Variants in LARP4 observed in about 807,000 individuals in gnomAD.
The protein encoded by LARP4 is la-related protein 4.
A neutral mutation model predicts 92.9 loss-of-function variants in LARP4; 29 were observed. That is an observed-to-expected ratio of 0.31 (90% CI 0.23 to 0.43). LARP4 has a LOEUF of 0.43. LARP4 is among the 20% of genes least tolerant of loss of function. The probability of loss-of-function intolerance (pLI) is 1.00; values close to 1 mark genes in which losing one functional copy is unlikely to be tolerated. For missense variants in LARP4, 732 were observed against 860.0 expected (o/e 0.85, Z 1.86); for synonymous variants, 279 against 284.1 (o/e 0.98, Z 0.18).
chr12:50,475,447 T>C (rs1359657935), intron 15 of LARP4, 79 bp from the exon 16 acceptor site: 7 of 1,234,526 alleles, frequency 5.7e-6, no homozygotes, highest in Non-Finnish European at 8.0e-6. Context: ...GGTTTTCTTA[T>C]GGTTAACACA....
chr12:50,416,888 A>G (rs1946888768), intron 1 of LARP4, among the ~76,000 whole-genome samples: 1 of 152,018 alleles, frequency 6.6e-6, no homozygotes, highest in Non-Finnish European at 1.5e-5. Context: ...GTATTGGTTG[A>G]TCCTGGGAGG....
chr12:50,456,127 ACT>A (rs1165306515), intron 10 of LARP4, among the ~76,000 whole-genome samples: 1 of 151,476 alleles, frequency 6.6e-6, no homozygotes, highest in Non-Finnish European at 1.5e-5. Flanking sequence ...CAGTTGCTTG[ACT>A]CTGAAATACT....
intron 4 of LARP4, among the ~76,000 whole-genome samples, chr12:50,434,774 C>T (rs956973588): frequency 8.6e-5 from 13 of 151,940 alleles, no homozygotes; most frequent in African/African-American, 3.1e-4. Flanking sequence ...ACAGGGTGCG[C>T]TGGCTCACGC....
chr12:50,411,929 C>T (rs796715740), intron 1 of LARP4, among the ~76,000 whole-genome samples: 7 of 152,182 alleles, frequency 4.6e-5, no homozygotes, highest in African/African-American at 1.4e-4. Context: ...GTGATCCACC[C>T]GCCTTGGCCT....
intron 10 of LARP4, among the ~76,000 whole-genome samples, chr12:50,460,638 A>G (rs907419340): frequency 3.3e-5 from 5 of 151,796 alleles, no homozygotes; most frequent in Admixed American, 1.3e-4. Flanking sequence ...ACATTTTTTA[A>G]TGTAAAATTT....
chr12:50,453,240 G>A (rs889939872), intron 8 of LARP4, among the ~76,000 whole-genome samples: 4 of 150,194 alleles, frequency 2.7e-5, no homozygotes, highest in African/African-American at 7.3e-5. Flanking sequence ...TGTGTGTGGC[G>A]GGGGGGGTTT....
intron 1 of LARP4, among the ~76,000 whole-genome samples, chr12:50,422,781 A>ATATTATTATTATTAT (rs145036648): frequency 7.2e-6 from 1 of 138,610 alleles, no homozygotes; most frequent in Non-Finnish European, 1.6e-5. Flanking sequence ...TTGGGAAATT[A>ATATTATTATTATTAT]TATTATTATT....
chr12:50,464,371 G>A (rs1432981745), intron 12 of LARP4, among the ~76,000 whole-genome samples: 1 of 152,190 alleles, frequency 6.6e-6, no homozygotes, highest in Non-Finnish European at 1.5e-5. Context: ...AAGAAAATAT[G>A]TTCCATTATA....
intron 12 of LARP4, among the ~76,000 whole-genome samples, chr12:50,463,427 A>C (rs986149683): frequency 8.5e-4 from 125 of 147,378 alleles, no homozygotes; most frequent in Admixed American, 6.8e-4. Flanking sequence ...CTCCAAAAAA[A>C]AAAAAAAAAA....
chr12:50,429,240 A>C (rs528938752), intron 3 of LARP4, 150 bp downstream of exon 3: 3 of 603,650 alleles, frequency 5.0e-6, no homozygotes, highest in South Asian at 2.1e-5. Flanking sequence ...TGATTGTTAC[A>C]TTGTTTTCAG....
chr12:50,412,584 A>G (rs1458055964), intron 1 of LARP4: 7 of 181,490 alleles, frequency 3.9e-5, no homozygotes. Context: ...CCATTTTCAC[A>G]AGAATTTGAT....
chr12:50,435,296 G>T (rs1221710059), intron 4 of LARP4, among the ~76,000 whole-genome samples, 192 bp from the exon 5 acceptor site: 4 of 152,174 alleles, frequency 2.6e-5, no homozygotes, highest in Non-Finnish European at 5.9e-5. Context: ...TAATGTTTAT[G>T]TATATATTAC....
chr12:50,407,019 T>G (rs776072369), intron 1 of LARP4, among the ~76,000 whole-genome samples: 1 of 147,454 alleles, frequency 6.8e-6, no homozygotes, highest in East Asian at 2.0e-4. Context: ...CCAGCCCATC[T>G]TAACAGTTTT....
intron 8 of LARP4, 143 bp downstream of exon 8, chr12:50,441,786 C>CA: frequency 1.5e-6 from 1 of 653,616 alleles, no homozygotes; most frequent in Admixed American, 3.4e-5. Flanking sequence ...TGGTGGCTCA[C>CA]ACCTGTGATC....
chr12:50,421,887 A>G (rs1301211152), intron 1 of LARP4, among the ~76,000 whole-genome samples: 7 of 150,838 alleles, frequency 4.6e-5, no homozygotes, highest in Admixed American at 6.6e-5. Context: ...TCATCTTTCT[A>G]TGTCTTTAAT....
chr12:50,424,360 CT>C lies in LARP4; in HGVS notation c.19-3387del, dbSNP rs1022740121. Among the ~76,000 whole-genome samples, 555 of 141,302 alleles carry C rather than the reference CT, an allele frequency of 3.9e-3. 3 individuals carry two copies. Among genetic ancestry groups the C allele is most frequent in the African/African-American group, 5.3e-3 (206 of 38,762 alleles). The allele number at this position is 141,302 out of a possible 152,430, so 92.7% of individuals were successfully genotyped here. On this transcript the variant is annotated intron_variant, in intron 1 of 15. Coordinates refer to ENST00000398473, the MANE Select transcript of LARP4 (RefSeq NM_052879.5). ...ACTCCAGCCTGGACAACTGGCTGTC[CT>C]TTTTTTTTTTTTTTGAGACAGAGTT...
intron 9 of LARP4, 29 bp downstream of exon 9, chr12:50,453,701 A>G (rs1406011304): frequency 7.3e-7 from 1 of 1,372,480 alleles, no homozygotes; most frequent in Admixed American, 2.0e-5. Context: ...ATAAAATATA[A>G]TAATATTTTT....
chr12:50,465,679 G>C (rs1346547181), intron 12 of LARP4, among the ~76,000 whole-genome samples: 3 of 152,140 alleles, frequency 2.0e-5, no homozygotes, highest in Admixed American at 2.0e-4. Context: ...AGATTATTCA[G>C]CATGCTGTTT....
Position 50,441,602 on chromosome 12 carries a change from T to G in LARP4, c.763T>G (p.Leu255Val), listed in dbSNP as rs1341161531. The G allele has an allele frequency of 2.5e-6, 4 of 1,598,152 alleles. 1 individual carries two copies. Among genetic ancestry groups the G allele is most frequent in the East Asian group, 2.2e-5 (1 of 44,714 alleles). ...GCTTTGTTAACAGGCTTTTAAATACTTAAGAGAAGAAGTTAAAACATTTCA... is the reference window on the plus strand; with the variant it reads ...GCTTTGTTAACAGGCTTTTAAATACGTAAGAGAAGAAGTTAAAACATTTCA... ...DTDAQQAFKYLREEVKTFQGK... is the reference protein window; with the variant it reads ...DTDAQQAFKYVREEVKTFQGK... The change falls in exon 8 of 16, where the codon TTA becomes GTA. Residue 255 changes from leucine to valine, a missense_variant. By Grantham distance (32) the Leu-to-Val change is conservative. Coordinates refer to ENST00000398473, the MANE Select transcript of LARP4 (RefSeq NM_052879.5).
Sources: allele counts gnomAD v4.1 joint callset (sites outside exome capture counted in the v4.1 genomes callset), GRCh38; gene constraint gnomAD v4.1.1; transcripts MANE v1.5; gene names NCBI Gene and HGNC (gene_info 2026-07-23, HGNC 2026-07-21).